The following GALNTL6 variants were observed in gnomAD, a reference collection of about 807,000 sequenced individuals.
GALNTL6 encodes polypeptide N-acetylgalactosaminyltransferase like 6, also known as polypeptide N-acetylgalactosaminyltransferase-like 6.
Under a neutral mutation model 73.7 loss-of-function variants are expected in GALNTL6, and 46 were observed. That is an observed-to-expected ratio of 0.62 (90% CI 0.49 to 0.80). The LOEUF is 0.80. Among genes scored for constraint, GALNTL6 ranks in the 30% least tolerant of loss-of-function variants. GALNTL6 has a pLI of 0.00. For missense variants in GALNTL6, 604 were observed against 755.0 expected, an observed-to-expected ratio of 0.80 and a Z score of 2.34; for synonymous variants, 259 against 263.7, an observed-to-expected ratio of 0.98 and a Z score of 0.17.
intron 5 of GALNTL6, among the ~76,000 whole-genome samples, chr4:172,604,346 A>T (rs2111031631): frequency 6.6e-6 from 1 of 152,296 alleles, no homozygotes; most frequent in Admixed American, 6.5e-5. Flanking sequence ...AAAAAGATGC[A>T]GAAGTATCAA....
chr4:172,878,666 G>T (rs1316148249), intron 7 of GALNTL6, among the ~76,000 whole-genome samples: 1 of 151,668 alleles, frequency 6.6e-6, no homozygotes, highest in East Asian at 1.9e-4. Context: ...GACAATAAAT[G>T]AAATTATGAA....
chr4:172,436,026 A>G (rs1032782994), intron 5 of GALNTL6, among the ~76,000 whole-genome samples: 1 of 152,048 alleles, frequency 6.6e-6, no homozygotes, highest in South Asian at 2.1e-4. Flanking sequence ...TAACAGGGCA[A>G]TGAAGCTGTA....
chr4:172,640,859 C>T (rs1023503510), intron 5 of GALNTL6, among the ~76,000 whole-genome samples: 1 of 152,078 alleles, frequency 6.6e-6, no homozygotes, highest in Non-Finnish European at 1.5e-5. Context: ...AAATTTTATA[C>T]TGCCAACTCA....
rs1284688533 is a variant in GALNTL6 at position 172,546,466 on chromosome 4, A to G, written c.553+197777A>G. Among the ~76,000 whole-genome samples the G allele has an allele frequency of 2.2e-5, 3 of 137,998 alleles. No individual in the cohort carries two copies. The East Asian group carries it at 6.3e-4, about 29-fold the overall frequency. The allele number at this position is 137,998 out of a possible 152,430, so 90.5% of individuals were successfully genotyped here. A position where few individuals can be genotyped will look rare whatever the true frequency, so the allele number is the denominator to read the frequency against. ...ATCTGCACTTATACCCTCTAAATCT[A>G]TAAAAAATAATAAATAAATACACAA... On this transcript the variant is annotated intron_variant, in intron 5 of 12. Transcript: ENST00000506823.
chr4:172,967,402 A>G (rs1750379862), intron 10 of GALNTL6, among the ~76,000 whole-genome samples: 1 of 152,254 alleles, frequency 6.6e-6, no homozygotes, highest in Non-Finnish European at 1.5e-5. Context: ...ACCAATCTCT[A>G]GCACAGGAAG....
intron 5 of GALNTL6, among the ~76,000 whole-genome samples, chr4:172,733,249 A>G (rs1353601180): frequency 6.6e-6 from 1 of 152,164 alleles, no homozygotes; most frequent in African/African-American, 2.4e-5. Context: ...ATATTGTTCT[A>G]TTCCCCTTGA....
At chr4:172,064,014 C>T (rs1731286855) in intron 2 of GALNTL6, among the ~76,000 whole-genome samples, 1 of 152,094 alleles carries the variant, frequency 6.6e-6, no homozygotes, top group African/African-American at 2.4e-5. Flanking sequence ...ATTTCATTTT[C>T]TTCATTGACT....
chr4:171,887,447 A>C (rs992782876), intron 2 of GALNTL6, among the ~76,000 whole-genome samples: 3 of 152,228 alleles, frequency 2.0e-5, no homozygotes, highest in African/African-American at 7.2e-5. Flanking sequence ...AGAAGTATAG[A>C]ATAAAAAGGA....
intron 5 of GALNTL6, among the ~76,000 whole-genome samples, chr4:172,652,598 C>A (rs1023764983): frequency 2.6e-5 from 4 of 152,190 alleles, no homozygotes; most frequent in African/African-American, 9.6e-5. Flanking sequence ...TGTTTAAGAA[C>A]AGACTCTATC....
chr4:172,071,981 T>C (rs1303124334), intron 2 of GALNTL6, among the ~76,000 whole-genome samples: 1 of 152,192 alleles, frequency 6.6e-6, no homozygotes, highest in Non-Finnish European at 1.5e-5. Flanking sequence ...AAGTTTGTGC[T>C]TGGCTTCCAA....
intron 5 of GALNTL6, among the ~76,000 whole-genome samples, chr4:172,365,909 C>A (rs60407837): frequency 0.031 from 4,728 of 151,582 alleles, 240 homozygotes; most frequent in African/African-American, 0.1. Flanking sequence ...ATGTGCAGAC[C>A]CTGTCAAAAA....
intron 2 of GALNTL6, among the ~76,000 whole-genome samples, chr4:172,002,811 A>G (rs527928859): frequency 8.5e-5 from 13 of 152,228 alleles, no homozygotes; most frequent in African/African-American, 3.1e-4. Flanking sequence ...GAGCTGGGAG[A>G]TGGAGCTCCC....
intron 5 of GALNTL6, among the ~76,000 whole-genome samples, chr4:172,796,676 C>T (rs1434421576): frequency 6.6e-6 from 1 of 152,162 alleles, no homozygotes; most frequent in Non-Finnish European, 1.5e-5. Context: ...AGAAATGGGG[C>T]AATGCCTTGA....
chr4:172,207,031 A>G (rs1197753213), intron 2 of GALNTL6, among the ~76,000 whole-genome samples: 1 of 150,840 alleles, frequency 6.6e-6, no homozygotes, highest in Admixed American at 6.6e-5. Context: ...GTTAGCCAGG[A>G]TGATCTCAAT....
intron 9 of GALNTL6, among the ~76,000 whole-genome samples, chr4:172,939,292 T>C (rs1748793439): frequency 6.6e-6 from 1 of 152,108 alleles, no homozygotes; most frequent in Admixed American, 6.6e-5. Context: ...TGAGACCCTG[T>C]ATCAAAAATA....
intron 5 of GALNTL6, among the ~76,000 whole-genome samples, chr4:172,634,427 G>A (rs934728378): frequency 6.6e-6 from 1 of 151,948 alleles, no homozygotes; most frequent in Non-Finnish European, 1.5e-5. Flanking sequence ...TGTCCCCCGT[G>A]GCAATAGTTG....
chr4:172,274,746 C>T (rs1046962986), intron 3 of GALNTL6, among the ~76,000 whole-genome samples: 1 of 152,172 alleles, frequency 6.6e-6, no homozygotes, highest in Non-Finnish European at 1.5e-5. Flanking sequence ...TAAGAATTTT[C>T]AGAATTCATA....
intron 2 of GALNTL6, among the ~76,000 whole-genome samples, chr4:172,066,033 C>T (rs1408488343): frequency 6.6e-6 from 1 of 152,190 alleles, no homozygotes; most frequent in Non-Finnish European, 1.5e-5. Flanking sequence ...AATAACCTCC[C>T]TCATTACCAA....
At chr4:172,115,868 C>A (rs1732971200) in intron 2 of GALNTL6, among the ~76,000 whole-genome samples, 1 of 151,906 alleles carries the variant, frequency 6.6e-6, no homozygotes, top group African/African-American at 2.4e-5. Context: ...TTAATATTTT[C>A]TTTCTGTGAA....
Sources: allele counts gnomAD v4.1 joint callset (sites outside exome capture counted in the v4.1 genomes callset), GRCh38; gene constraint gnomAD v4.1.1; transcripts MANE v1.5; gene names NCBI Gene and HGNC (gene_info 2026-07-23, HGNC 2026-07-21).